Variants in CALCRL observed in about 807,000 individuals in gnomAD.
CALCRL encodes calcitonin gene-related peptide type 1 receptor.
A neutral mutation model predicts 60.4 loss-of-function variants in CALCRL; 27 were observed. The observed-to-expected ratio is 0.45, with a 90% CI of 0.33 to 0.62. The LOEUF (loss-of-function observed/expected upper bound fraction) is 0.62. Ranked by LOEUF, CALCRL falls within the 20% of genes least tolerant of loss-of-function variation. The pLI is 0.03. For synonymous variants in CALCRL, 190 were observed against 182.6 expected (o/e 1.04, Z -0.33); for missense variants, 424 against 540.7 (o/e 0.78, Z 2.14).
intron 1 of CALCRL, among the ~76,000 whole-genome samples, chr2:187,397,677 A>G (rs1014464505): frequency 1.3e-5 from 2 of 151,478 alleles, no homozygotes; most frequent in African/African-American, 4.8e-5. Context: ...ATAATTTCTT[A>G]TCCCTCACCC....
At position 187,344,960 on chromosome 2, in the gene CALCRL, GT is replaced by G. The variant is rs1461074903; in HGVS notation, c.*1223del. 2.0e-5 allele frequency: 3 copies of G among 151,600 alleles called. No homozygotes were observed. The highest frequency in any genetic ancestry group is 4.4e-5 in the Non-Finnish European group (3 of 67,712). The allele number at this position is 151,600 out of a possible 1,614,324, so 9.4% of individuals were successfully genotyped here. On this transcript the variant is annotated 3_prime_UTR_variant, in exon 15 of 15. Transcript: ENST00000392370. ...AAACACACCTATTATTAAGGTATGA[GT>G]TATCAAAACAAATATATTCAATAAA...
Position 187,383,156 on chromosome 2 carries a change from T to C in CALCRL, c.184+17A>G. Reference sequence around the variant, plus strand: ...AAAATATGTCAAATGCATTTACAACTAAGTAGCCATGCTTACCTTCTGCTT... The same window carrying C: ...AAAATATGTCAAATGCATTTACAACCAAGTAGCCATGCTTACCTTCTGCTT... On this transcript the variant is annotated intron_variant, in intron 5 of 14. Coordinates refer to ENST00000392370, the MANE Select transcript of CALCRL (RefSeq NM_005795.6). 1 of 1,605,758 alleles carries C rather than the reference T, an allele frequency of 6.2e-7. No homozygotes were observed. The highest frequency in any genetic ancestry group is 1.1e-5 in the South Asian group (1 of 89,550).
intron 8 of CALCRL, among the ~76,000 whole-genome samples, chr2:187,375,719 C>T (rs555236080): frequency 2.6e-5 from 4 of 152,038 alleles, no homozygotes; most frequent in African/African-American, 9.7e-5. Flanking sequence ...GAGGAATGTG[C>T]CTACAGGTTA....
At chr2:187,369,128 C>T (rs73979874) in intron 8 of CALCRL, among the ~76,000 whole-genome samples, 2 of 152,050 alleles carry the variant, frequency 1.3e-5, no homozygotes, top group Non-Finnish European at 2.9e-5. Context: ...CTTCCCATGC[C>T]CTTGGGCTGC....
intron 1 of CALCRL, among the ~76,000 whole-genome samples, chr2:187,435,911 T>G (rs1690625592): frequency 6.6e-6 from 1 of 150,794 alleles, no homozygotes; most frequent in African/African-American, 2.4e-5. Flanking sequence ...CCCCTGAATC[T>G]GATGGTGAAA....
At chr2:187,430,829 C>T (rs1690372839) in intron 1 of CALCRL, among the ~76,000 whole-genome samples, 1 of 151,980 alleles carries the variant, frequency 6.6e-6, no homozygotes, top group Admixed American at 6.6e-5. Context: ...AGAAAAGGAA[C>T]TTAGTTCAAA....
chr2:187,393,569 A>C (rs903396331), intron 1 of CALCRL, among the ~76,000 whole-genome samples: 18 of 152,258 alleles, frequency 1.2e-4, no homozygotes, highest in Non-Finnish European at 2.6e-4. Flanking sequence ...TTGTGAGCAC[A>C]GTAAGAATAG....
At chr2:187,412,391 T>C (rs1364040501) in intron 1 of CALCRL, among the ~76,000 whole-genome samples, 3 of 152,160 alleles carry the variant, frequency 2.0e-5, no homozygotes, top group Non-Finnish European at 2.9e-5. Context: ...CTCAAGAGCA[T>C]GGGCTCCAGT....
chr2:187,444,084 T>C (rs1398004138), intron 1 of CALCRL, among the ~76,000 whole-genome samples: 1 of 151,702 alleles, frequency 6.6e-6, no homozygotes, highest in Admixed American at 6.6e-5. Context: ...CTAGTTGCTA[T>C]GTAAGTAAAT....
At chr2:187,425,946 T>C (rs1690097727) in intron 1 of CALCRL, among the ~76,000 whole-genome samples, 1 of 152,000 alleles carries the variant, frequency 6.6e-6, no homozygotes, top group African/African-American at 2.4e-5. Context: ...TTAAAATAAA[T>C]GAGTTCTTCA....
chr2:187,374,819 C>T (rs1190184194), intron 8 of CALCRL, among the ~76,000 whole-genome samples: 2 of 152,102 alleles, frequency 1.3e-5, no homozygotes, highest in Non-Finnish European at 1.5e-5. Context: ...GTCTACTTTG[C>T]GTAGTATTTT....
At chr2:187,412,313 T>C (rs539681187) in intron 1 of CALCRL, among the ~76,000 whole-genome samples, 1 of 152,286 alleles carries the variant, frequency 6.6e-6, no homozygotes, top group African/African-American at 2.4e-5. Flanking sequence ...TATTTTTCTC[T>C]TGAAGTGGCC....
intron 1 of CALCRL, among the ~76,000 whole-genome samples, chr2:187,442,704 T>G (rs933383847): frequency 2.6e-5 from 4 of 151,952 alleles, no homozygotes; most frequent in African/African-American, 9.6e-5. Flanking sequence ...GCTATAGTAA[T>G]CAAAACTAAA....
intron 8 of CALCRL, among the ~76,000 whole-genome samples, chr2:187,368,718 G>C (rs1298077714): frequency 6.6e-6 from 1 of 152,086 alleles, no homozygotes; most frequent in East Asian, 1.9e-4. Flanking sequence ...AGCAATATAA[G>C]AATAGCACAG....
In CALCRL at chr2:187,380,676, C is replaced by A. The variant is rs567634421; in HGVS notation, c.295+1G>T. 1 of 1,611,060 alleles carries A rather than the reference C, an allele frequency of 6.2e-7. No individual in the cohort carries two copies. Among genetic ancestry groups the A allele is most frequent in the African/African-American group, 1.3e-5 (1 of 74,962 alleles). On this transcript the variant is annotated splice_donor_variant, in intron 6 of 14. Coordinates refer to ENST00000392370, the MANE Select transcript of CALCRL (RefSeq NM_005795.6). LOFTEE classifies it high-confidence loss of function. ...ATATGTAGATACATTTCTGCTTTTA[C>A]CTGATGGATCAAAGTCCTGAAAGTA... is the stretch of plus-strand genomic sequence containing the variant.
At chr2:187,369,966 T>G (rs1687452769) in intron 8 of CALCRL, among the ~76,000 whole-genome samples, 3 of 152,204 alleles carry the variant, frequency 2.0e-5, no homozygotes, top group African/African-American at 7.2e-5. Flanking sequence ...CCATGGCTTT[T>G]TTTCCATTCT....
At position 187,344,362 on chromosome 2, in the gene CALCRL, C is replaced by T. The variant is rs554770482; in HGVS notation, c.*1822G>A. 1 of 151,496 alleles carries T rather than the reference C, an allele frequency of 6.6e-6. No homozygotes were observed. The highest frequency in any genetic ancestry group is 1.9e-4 in the East Asian group (1 of 5,182). 9.4% of individuals were successfully genotyped at this position (151,496 alleles called of 1,614,324 possible). ...AATTTGAAATAAGTTCTGAACTCAC[C>T]ATCTATTGACATATTGACAGCTTAA... On this transcript the variant is annotated 3_prime_UTR_variant, in exon 15 of 15. Transcript: ENST00000392370.
intron 1 of CALCRL, among the ~76,000 whole-genome samples, chr2:187,418,172 A>G (rs1689701425): frequency 6.6e-6 from 1 of 152,202 alleles, no homozygotes; most frequent in South Asian, 2.1e-4. Context: ...AAAAATGTGG[A>G]ATTATCCATG....
intron 1 of CALCRL, among the ~76,000 whole-genome samples, chr2:187,400,805 TC>T: frequency 6.6e-6 from 1 of 151,610 alleles, no homozygotes. Context: ...ATTATATGAT[TC>T]CCATTTATAC....
Sources: gnomAD v4.1 joint callset for allele counts (sites outside exome capture counted in the v4.1 genomes callset) on GRCh38, gnomAD v4.1.1 for gene constraint, MANE v1.5 for transcripts, NCBI Gene and HGNC (gene_info 2026-07-23, HGNC 2026-07-21) for gene names.